The following DYM variants were observed in gnomAD, a reference collection of about 807,000 sequenced individuals.
DYM encodes the protein dymeclin.
A neutral mutation model predicts 93.1 loss-of-function variants in DYM; 78 were observed. That is an observed-to-expected ratio of 0.84 (90% CI 0.70 to 1.01). The LOEUF is 1.01. Ranked by LOEUF, DYM falls within the 50% of genes least tolerant of loss-of-function variation. The probability of loss-of-function intolerance (pLI) is 0.00; values close to 1 mark genes in which losing one functional copy is unlikely to be tolerated. For synonymous variants in DYM, 321 were observed against 319.7 expected (o/e 1.00, Z -0.04); for missense variants, 789 against 845.0 (o/e 0.93, Z 0.82).
intron 1 of DYM, among the ~76,000 whole-genome samples, chr18:49,437,423 T>C (rs566710125): frequency 6.6e-6 from 1 of 152,324 alleles, no homozygotes; most frequent in South Asian, 2.1e-4. Context: ...TGATGGACTT[T>C]AGGTAGTCTA....
chr18:49,314,198 C>T (rs1231623532), intron 8 of DYM, among the ~76,000 whole-genome samples: 1 of 152,196 alleles, frequency 6.6e-6, no homozygotes, highest in East Asian at 1.9e-4. Flanking sequence ...TTTAATTTTG[C>T]CAGTTTTCAA....
chr18:49,427,032 T>C (rs1480712449), intron 2 of DYM, among the ~76,000 whole-genome samples: 1 of 152,160 alleles, frequency 6.6e-6, no homozygotes, highest in African/African-American at 2.4e-5. Context: ...ATGACCAAAT[T>C]AGAAATATTA....
chr18:49,241,427 C>A (rs2094006249), intron 13 of DYM, among the ~76,000 whole-genome samples: 1 of 152,134 alleles, frequency 6.6e-6, no homozygotes, highest in Admixed American at 6.5e-5. Context: ...AAATTCTGTA[C>A]CTTATAGATG....
Position 49,053,579 on chromosome 18 carries a change from G to A in DYM, c.2026-9375C>T, listed in dbSNP as rs188841767. Among the ~76,000 whole-genome samples, 7 of 152,306 alleles carry A rather than the reference G, an allele frequency of 4.6e-5. No homozygotes were observed. In the South Asian group the frequency reaches 1.2e-3, roughly 27 times the overall value. ...CAGATGGCGCAGGTCGGGAGTGATGGGTTAGTGACTACAGACAGCACGTGC... is the reference window on the plus strand; with the variant it reads ...CAGATGGCGCAGGTCGGGAGTGATGAGTTAGTGACTACAGACAGCACGTGC... On this transcript the variant is annotated intron_variant, in intron 17 of 17. Transcript: ENST00000675505.
At chr18:49,143,641 A>G (rs1008690392) in intron 15 of DYM, among the ~76,000 whole-genome samples, 2 of 152,150 alleles carry the variant, frequency 1.3e-5, no homozygotes, top group African/African-American at 4.8e-5. Context: ...ATATTATTTA[A>G]CTTAAAAAAA....
At chr18:49,292,359 C>G (rs1026673098) in intron 8 of DYM, among the ~76,000 whole-genome samples, 1,337 of 57,330 alleles carry the variant, frequency 0.023, 15 homozygotes, top group African/African-American at 0.08. Context: ...CAGACAGACA[C>G]ACACACACAC....
chr18:49,339,048 T>C (rs987055546), intron 6 of DYM, among the ~76,000 whole-genome samples: 2 of 151,580 alleles, frequency 1.3e-5, no homozygotes, highest in African/African-American at 4.8e-5. Flanking sequence ...GCAGGAACTC[T>C]GCTAGAAAAA....
At chr18:49,115,204 T>C (rs745402832) in intron 16 of DYM, among the ~76,000 whole-genome samples, 4 of 152,232 alleles carry the variant, frequency 2.6e-5, no homozygotes, top group Non-Finnish European at 5.9e-5. Context: ...AAGCTAGTGA[T>C]GATTAGAAAA....
At chr18:49,407,112 G>A (rs2071587873) in intron 2 of DYM, among the ~76,000 whole-genome samples, 2 of 152,192 alleles carry the variant, frequency 1.3e-5, no homozygotes, top group African/African-American at 4.8e-5. Flanking sequence ...GTTACGTAAT[G>A]TAAAATTCCA....
chr18:49,231,399 AT>A (rs1315752408), intron 13 of DYM, among the ~76,000 whole-genome samples: 5 of 152,174 alleles, frequency 3.3e-5, no homozygotes, highest in African/African-American at 1.2e-4. Context: ...CCTGAAAATG[AT>A]TGCTTTAAAG....
chr18:49,110,451 G>A (rs933595248), intron 16 of DYM, among the ~76,000 whole-genome samples: 4 of 151,284 alleles, frequency 2.6e-5, no homozygotes, highest in Non-Finnish European at 5.9e-5. Flanking sequence ...TCATTATTTT[G>A]TATTCAGTTT....
chr18:49,432,457 G>A (rs541534092), intron 1 of DYM, among the ~76,000 whole-genome samples: 2 of 150,164 alleles, frequency 1.3e-5, no homozygotes, highest in Admixed American at 1.3e-4. Context: ...ATGAAACAGA[G>A]CTAAATGGAT....
At chr18:49,318,363 T>C (rs1411104708) in intron 8 of DYM, among the ~76,000 whole-genome samples, 1 of 152,236 alleles carries the variant, frequency 6.6e-6, no homozygotes. Context: ...CTCACGCCTG[T>C]AATCCCAGCA....
chr18:49,294,789 C>CA (rs141224939), intron 8 of DYM, among the ~76,000 whole-genome samples: 38 of 149,988 alleles, frequency 2.5e-4, no homozygotes, highest in East Asian at 1.2e-3. Context: ...AGAACTATAC[C>CA]AAAAAAAAAG....
At chr18:49,391,063 A>G (rs2069195215) in intron 3 of DYM, among the ~76,000 whole-genome samples, 1 of 152,198 alleles carries the variant, frequency 6.6e-6, no homozygotes, top group East Asian at 1.9e-4. Context: ...ATTGTACTGA[A>G]TATTTCATAT....
chr18:49,097,087 C>A (rs1255853991), intron 17 of DYM: 1 of 427,532 alleles, frequency 2.3e-6, no homozygotes, highest in Non-Finnish European at 4.4e-6. Flanking sequence ...TCATCTTCAT[C>A]ATCACCTTCC....
At chr18:49,175,161 C>G (rs1340757286) in intron 14 of DYM, among the ~76,000 whole-genome samples, 1 of 152,088 alleles carries the variant, frequency 6.6e-6, no homozygotes, top group Non-Finnish European at 1.5e-5. Context: ...ATGTATTTTT[C>G]CAAATGCCAA....
chr18:49,322,618 T>A (rs1018094239), intron 8 of DYM, among the ~76,000 whole-genome samples: 2 of 152,032 alleles, frequency 1.3e-5, no homozygotes, highest in African/African-American at 4.8e-5. Context: ...TACATTATTA[T>A]ATGTATGTTA....
intron 14 of DYM, among the ~76,000 whole-genome samples, chr18:49,197,244 T>C (rs933122374): frequency 2.6e-5 from 4 of 152,026 alleles, no homozygotes; most frequent in Admixed American, 2.6e-4. Context: ...TCATGTAAAG[T>C]CATAGAAATT....
Sources: allele counts gnomAD v4.1 joint callset (sites outside exome capture counted in the v4.1 genomes callset), GRCh38; gene constraint gnomAD v4.1.1; transcripts MANE v1.5; gene names NCBI Gene and HGNC (gene_info 2026-07-23, HGNC 2026-07-21).